COL2A1: variants seen among roughly 807,000 people sequenced by gnomAD.
COL2A1 encodes the protein collagen alpha-1(II) chain.
Under a neutral mutation model 204.5 loss-of-function variants are expected in COL2A1, and 28 were observed. That is an observed-to-expected ratio of 0.14 (90% CI 0.10 to 0.19). The LOEUF is 0.19. Among genes scored for constraint, COL2A1 ranks in the 10% least tolerant of loss-of-function variants. The probability of loss-of-function intolerance (pLI) is 1.00; values close to 1 mark genes in which losing one functional copy is unlikely to be tolerated. For missense variants in COL2A1, 1,388 were observed against 2,027.5 expected (o/e 0.68, Z 6.06); for synonymous variants, 708 against 718.7 (o/e 0.99, Z 0.24).
At chr12:47,979,693 G>A in intron 40 of COL2A1, 129 bp from the exon 41 acceptor site, 1 of 879,296 alleles carries the variant, frequency 1.1e-6, no homozygotes, top group South Asian at 1.4e-5. Context: ...GCAGCAAGGG[G>A]GATCCAGGGA....
At chr12:47,984,417 G>T in intron 28 of COL2A1, 129 bp downstream of exon 28, 1 of 993,310 alleles carries the variant, frequency 1.0e-6, no homozygotes, top group Non-Finnish European at 1.5e-6. Context: ...CCAGCATGGG[G>T]CTCAGCCACA....
chr12:47,995,103 G>A, intron 11 of COL2A1, 152 bp downstream of exon 11: 1 of 699,726 alleles, frequency 1.4e-6, no homozygotes, highest in Non-Finnish European at 2.6e-6. Context: ...TGGCCATATA[G>A]ATAGGAGATG....
chr12:47,981,703 C>T (rs1939096127), intron 36 of COL2A1, 73 bp downstream of exon 36: 8 of 1,479,326 alleles, frequency 5.4e-6, no homozygotes, highest in South Asian at 4.8e-5. Flanking sequence ...AAGACAGAAC[C>T]GCCTTTGGCA....
At chr12:47,981,150 CAT>C (rs533485236) in intron 37 of COL2A1, among the ~76,000 whole-genome samples, 182 bp from the exon 38 acceptor site, 7 of 152,328 alleles carry the variant, frequency 4.6e-5, no homozygotes, top group Admixed American at 1.3e-4. Flanking sequence ...ACCCTGAACA[CAT>C]GATGGGAGTG....
intron 1 of COL2A1, 66 bp from the exon 2 acceptor site, chr12:48,000,191 A>G: frequency 6.1e-6 from 7 of 1,145,018 alleles, no homozygotes; most frequent in Non-Finnish European, 9.0e-6. Context: ...AGCCAGAGAG[A>G]AAAAGAGAGA....
rs757198490 is a variant in COL2A1, at chr12:47,978,710, G to T, written c.2782C>A (p.Pro928Thr). 2 of 1,613,194 alleles carry T rather than the reference G, an allele frequency of 1.2e-6. No homozygotes were observed. The highest frequency in any genetic ancestry group is 4.5e-5 in the East Asian group (2 of 44,880). ...CCGCTGTCTCCTCGAGCACCTTTGGGACCATCTTTTCCAGAAGGACCAGGG... is the reference window on the plus strand; with the variant it reads ...CCGCTGTCTCCTCGAGCACCTTTGGTACCATCTTTTCCAGAAGGACCAGGG... ...GPPGPSGKDG[P>T]KGARGDSGPP... The change falls in exon 42 of 54, where the codon CCC becomes ACC. Residue 928 changes from proline to threonine, a missense_variant. Physicochemically the swap from Pro to Thr is conservative, Grantham distance 38 (BLOSUM62 -1). Coordinates refer to ENST00000380518, the MANE Select transcript of COL2A1 (RefSeq NM_001844.5). This position sits in a 1 kb window ranked among gnomAD's most constrained non-coding sequence, Gnocchi z 5.5.
At position 47,976,274 on chromosome 12, in the gene COL2A1, C is replaced by A. The variant is rs1316280311; in HGVS notation, c.3490-204G>T. Among the ~76,000 whole-genome samples, 1 of 151,996 alleles carries A rather than the reference C, an allele frequency of 6.6e-6. No individual in the cohort carries two copies. The highest frequency in any genetic ancestry group is 1.5e-5 in the Non-Finnish European group (1 of 68,040). ...CATGGCTTGCCTACCCTCCTAAGCT[C>A]CTCTTTGTAAAATGCTGTTCTGTCT... On this transcript the variant is annotated intron_variant, in intron 49 of 53. Coordinates refer to ENST00000380518, the MANE Select transcript of COL2A1 (RefSeq NM_001844.5). This position sits in a 1 kb window ranked among gnomAD's most constrained non-coding sequence, Gnocchi z 4.3.
In COL2A1 at chr12:47,977,441, G is replaced by C. The variant is rs201739582; in HGVS notation, c.3166-14C>G. 1 of 1,604,324 alleles carries C rather than the reference G, an allele frequency of 6.2e-7. No individual in the cohort carries two copies. Among genetic ancestry groups the C allele is most frequent in the East Asian group, 2.2e-5 (1 of 44,814 alleles). On this transcript the variant is annotated splice_polypyrimidine_tract_variant and intron_variant, in intron 45 of 53. Coordinates refer to ENST00000380518, the MANE Select transcript of COL2A1 (RefSeq NM_001844.5). ...ACCACGATCACCCTGTCAGGAGAGA[G>C]GTCTCAGGCTCAGAGAAGAATGTTC...
chr12:47,987,843 A>T lies in COL2A1; in HGVS notation c.1123-134T>A. 1.4e-6 allele frequency: 1 copy of T among 714,956 alleles called. No homozygotes were observed. The highest frequency in any genetic ancestry group is 1.6e-5 in the South Asian group (1 of 64,474). 44.3% of individuals were successfully genotyped at this position (714,956 alleles called of 1,614,324 possible). A position where few individuals can be genotyped will look rare whatever the true frequency, so the allele number is the denominator to read the frequency against. ...CATGCACCCAACCCTGCACATGAAC[A>T]TGTGCGTTCACACACAGTTCACGCT... On this transcript the variant is annotated intron_variant, in intron 18 of 53. Coordinates refer to ENST00000380518, the MANE Select transcript of COL2A1 (RefSeq NM_001844.5). This position sits in a 1 kb window ranked among gnomAD's most constrained non-coding sequence, Gnocchi z 4.1.
rs1940023330 is a variant in COL2A1, at chr12:47,997,635, C to T, written c.502G>A (p.Gly168Ser). The change falls in exon 7 of 54, where the codon GGC becomes AGC. Residue 168 changes from glycine (G) to serine (S), a missense_variant. By Grantham distance (56) the Gly-to-Ser change is moderately conservative. Around this residue, in one of 3 missense-constraint regions of COL2A1, gnomAD observed 201 missense variants for 242.4 expected, o/e 0.83. Coordinates refer to ENST00000380518, the MANE Select transcript of COL2A1 (RefSeq NM_001844.5). ...PGNPGPPGPP[G>S]PPGPPGLGGN... ...CCAAGACCAGGGGGACCAGGGGGGCCGGGAGGACCAGGGGGGCCAGGATTT... is the reference window on the plus strand; with the variant it reads ...CCAAGACCAGGGGGACCAGGGGGGCTGGGAGGACCAGGGGGGCCAGGATTT... The T allele has an allele frequency of 4.3e-6, 7 of 1,613,570 alleles. No homozygotes were observed. Among genetic ancestry groups the T allele is most frequent in the African/African-American group, 2.7e-5 (2 of 74,852 alleles).
chr12:47,973,651 A>G, intron 53 of COL2A1, 98 bp from the exon 54 acceptor site: 1 of 1,442,062 alleles, frequency 6.9e-7, no homozygotes, highest in Non-Finnish European at 9.7e-7. Flanking sequence ...GGCGAGCATC[A>G]GAGCCCACAA....
Position 47,983,453 on chromosome 12 carries a change from G to T in COL2A1, c.1996-15C>A. ...CCAGGAAGTCCCTAGAAGCCGAAGTGACAAGCGTTAGCAAAGGAGTGAGTT... is the reference window on the plus strand; with the variant it reads ...CCAGGAAGTCCCTAGAAGCCGAAGTTACAAGCGTTAGCAAAGGAGTGAGTT... On this transcript the variant is annotated splice_polypyrimidine_tract_variant and intron_variant, in intron 30 of 53. Coordinates refer to ENST00000380518, the MANE Select transcript of COL2A1 (RefSeq NM_001844.5). 1 of 1,613,876 alleles carries T rather than the reference G, an allele frequency of 6.2e-7. No homozygotes were observed. Among genetic ancestry groups the T allele is most frequent in the South Asian group, 1.1e-5 (1 of 91,048 alleles).
chr12:48,002,820 GGTGACCCGGCCAGA>G (rs1442927902), intron 1 of COL2A1: 1 of 152,264 alleles, frequency 6.6e-6, no homozygotes, highest in African/African-American at 2.4e-5. Context: ...CGCACTACCG[GGTGACCCGGCCAGA>G]GTCTCCTGCT....
chr12:47,980,207 G>A lies in COL2A1; in HGVS notation c.2626-145C>T. On this transcript the variant is annotated intron_variant, in intron 39 of 53. Transcript: ENST00000380518. The surrounding 1 kb of genome is among the most constrained non-coding windows in gnomAD (Gnocchi z 4.5). ...AACCCAGCCTGAAGAGGCTGCCACA[G>A]GCAGCTCTGTCCCCTCTGCCACAGG... 1.3e-6 allele frequency: 1 copy of A among 746,422 alleles called. No homozygotes were observed. Among genetic ancestry groups the A allele is most frequent in the East Asian group, 2.7e-5 (1 of 37,410 alleles). 46.2% of individuals were successfully genotyped at this position (746,422 alleles called of 1,614,324 possible). A position where few individuals can be genotyped will look rare whatever the true frequency, so the allele number is the denominator to read the frequency against.
chr12:47,991,311 G>A (rs1453192636), intron 16 of COL2A1, among the ~76,000 whole-genome samples: 3 of 152,208 alleles, frequency 2.0e-5, no homozygotes, highest in South Asian at 2.1e-4. Context: ...CAAGTCTGGA[G>A]AGAGGATACA....
At position 47,981,357 on chromosome 12, in the gene COL2A1, C is replaced by T; in HGVS notation, c.2449G>A (p.Ala817Thr). 15 of 1,613,024 alleles carry T rather than the reference C, an allele frequency of 9.3e-6. No individual in the cohort carries two copies. The highest frequency in any genetic ancestry group is 1.3e-5 in the Non-Finnish European group (15 of 1,179,880). The change falls in exon 37 of 54, where the codon GCT becomes ACT. Residue 817 changes from alanine to threonine, a missense_variant. Transcript: ENST00000380518. ...GPPGPAGSAG[A>T]RGAPGERGET... The stretch of plus-strand genomic sequence containing the variant: ...CAGACACTCACCGGAGCGCCACGAG[C>T]ACCAGCACTTCCTGCAGGACCAGGA...
In COL2A1 at chr12:47,987,082, T is replaced by C; in HGVS notation, c.1361A>G (p.Gln454Arg). The C allele has an allele frequency of 6.2e-7, 1 of 1,614,016 alleles. No individual in the cohort carries two copies. Among genetic ancestry groups the C allele is most frequent in the Non-Finnish European group, 8.5e-7 (1 of 1,179,930 alleles). The change falls in exon 21 of 54, where the codon CAG (glutamine) becomes CGG (arginine). Residue 454 changes from glutamine to arginine, a missense_variant. Physicochemically the swap from Gln to Arg is conservative, Grantham distance 43 (BLOSUM62 1). Coordinates refer to ENST00000380518, the MANE Select transcript of COL2A1 (RefSeq NM_001844.5). The surrounding 1 kb of genome is among the most constrained non-coding windows in gnomAD (Gnocchi z 4.1). ...GGGGTCACTTTGGGCTCTTACCGTC[T>C]GACCTTTCGGGCCCAGAGGACCAGT... is the stretch of plus-strand genomic sequence containing the variant. ...GATGPLGPKG[Q>R]TGEPGIAGFK...
Position 47,977,618 on chromosome 12 carries a change from A to G in COL2A1, c.3147T>C (p.Asp1049=), listed in dbSNP as rs1166954156. 6.2e-7 allele frequency: 1 copy of G among 1,614,080 alleles called. No individual in the cohort carries two copies. The highest frequency in any genetic ancestry group is 1.1e-5 in the South Asian group (1 of 91,066). The stretch of plus-strand genomic sequence containing the variant: ...CACTCACCTTGACTCCAGCAGCGCC[A>G]TCTCTGCCAGGGGGGCCATCAGCAC... The part of the protein sequence containing the change: ...SPGADGPPGR[D]GAAGVKGDRG... Residue 1049 remains aspartate, a synonymous_variant, in exon 45 of 54, where the codon GAT becomes GAC. Transcript: ENST00000380518.
intron 31 of COL2A1, 36 bp from the exon 32 acceptor site, chr12:47,983,173 T>C: frequency 1.2e-6 from 2 of 1,607,922 alleles, no homozygotes; most frequent in Non-Finnish European, 1.7e-6. Context: ...GAGTGAAGGC[T>C]TCATATCACA....
Sources: gnomAD v4.1 joint callset for allele counts (sites outside exome capture counted in the v4.1 genomes callset) on GRCh38, gnomAD v4.1.1 for gene constraint, gnomAD v4.1.1 regional missense constraint, Gnocchi (gnomAD v3.1) non-coding constraint, MANE v1.5 for transcripts, NCBI Gene and HGNC (gene_info 2026-07-23, HGNC 2026-07-21) for gene names.